The following TEX36 variants were observed in gnomAD, a reference collection of about 807,000 sequenced individuals.
TEX36 encodes the protein testis expressed 36, also known as testis-expressed protein 36.
In TEX36, 12 loss-of-function variants were observed where a neutral mutation model predicts 13.6. That is an observed-to-expected ratio of 0.88 (90% CI 0.56 to 1.43). The LOEUF is 1.43. TEX36 is among the 40% of genes most tolerant of loss of function. TEX36 has a pLI of 0.00. For missense variants in TEX36, 224 were observed against 228.3 expected (o/e 0.98, Z 0.12); for synonymous variants, 93 against 83.0 (o/e 1.12, Z -0.65).
intron 1 of TEX36, chr10:125,667,602 C>A: frequency 1.4e-6 from 1 of 729,376 alleles, no homozygotes. Flanking sequence ...TTTGTCCCTG[C>A]AAGGGAGACC....
downstream of TEX36, among the ~76,000 whole-genome samples, chr10:125,654,883 T>G (rs1846915095): frequency 6.6e-6 from 1 of 152,206 alleles, no homozygotes; most frequent in Non-Finnish European, 1.5e-5. Context: ...TGTGCATTAC[T>G]GTCAACCAAG....
intron 3 of TEX36, among the ~76,000 whole-genome samples, chr10:125,595,166 T>C (rs1159335612): frequency 6.6e-6 from 1 of 152,170 alleles, no homozygotes; most frequent in Non-Finnish European, 1.5e-5. Context: ...AGAATGGATC[T>C]CTTAAATAAA....
At chr10:125,638,592 C>CA (rs966833045) in intron 3 of TEX36, among the ~76,000 whole-genome samples, 5 of 151,866 alleles carry the variant, frequency 3.3e-5, no homozygotes, top group South Asian at 2.1e-4. Context: ...AACAAACAAA[C>CA]AAAAAAAAAT....
Position 125,683,158 on chromosome 10 carries a change from G to A in TEX36, c.-169C>T, listed in dbSNP as rs1847424129. 1.3e-6 allele frequency: 1 copy of A among 749,530 alleles called. No individual in the cohort carries two copies. The highest frequency in any genetic ancestry group is 1.7e-5 in the South Asian group (1 of 59,252). The allele number at this position is 749,530 out of a possible 1,614,324, so 46.4% of individuals were successfully genotyped here. On this transcript the variant is annotated 5_prime_UTR_variant, in exon 1 of 4. Coordinates refer to ENST00000368821, the MANE Select transcript of TEX36 (RefSeq NM_001128202.3). ...TCAGCCTCTTCCAGGAGGGGAAGGT[G>A]CGGGTGCCCATTGTTGTCATGGAAT...
chr10:125,676,883 A>G (rs906385719), intron 1 of TEX36, among the ~76,000 whole-genome samples: 3 of 152,170 alleles, frequency 2.0e-5, no homozygotes, highest in African/African-American at 7.2e-5. Context: ...CAAAAGGTCA[A>G]TCTAATGGTA....
chr10:125,635,227 G>T (rs1258946198), intron 3 of TEX36, among the ~76,000 whole-genome samples: 1 of 152,172 alleles, frequency 6.6e-6, no homozygotes, highest in Non-Finnish European at 1.5e-5. Flanking sequence ...TCCAGAAAGG[G>T]ATCCTGCATG....
At chr10:125,632,042 A>G (rs1288885008) in intron 3 of TEX36, among the ~76,000 whole-genome samples, 1 of 152,050 alleles carries the variant, frequency 6.6e-6, no homozygotes, top group African/African-American at 2.4e-5. Flanking sequence ...GATCTGGGGC[A>G]GTGTGTGTGG....
chr10:125,666,938 G>T, intron 1 of TEX36: 1 of 666,684 alleles, frequency 1.5e-6, no homozygotes, highest in South Asian at 1.8e-5. Flanking sequence ...CACTGCTTGG[G>T]GTGTACTTTC....
intron 1 of TEX36, among the ~76,000 whole-genome samples, chr10:125,668,566 C>T (rs949386445): frequency 7.8e-4 from 118 of 150,402 alleles, no homozygotes; most frequent in Middle Eastern, 3.2e-3. Flanking sequence ...CTTGTAATGT[C>T]TCCTCTTTCA....
intron 2 of TEX36, among the ~76,000 whole-genome samples, chr10:125,661,512 T>C (rs1847042378): frequency 6.6e-6 from 1 of 152,058 alleles, no homozygotes; most frequent in African/African-American, 2.4e-5. Context: ...AGGTATGAAA[T>C]GGACCCTGGC....
chr10:125,647,597 T>A (rs904630088), intron 3 of TEX36, among the ~76,000 whole-genome samples: 6 of 152,154 alleles, frequency 3.9e-5, no homozygotes, highest in African/African-American at 7.2e-5. Flanking sequence ...CAGCTCCCAA[T>A]GTGAGTGACA....
downstream of TEX36, among the ~76,000 whole-genome samples, chr10:125,619,695 T>A (rs912284411): frequency 6.6e-6 from 1 of 152,036 alleles, no homozygotes; most frequent in Non-Finnish European, 1.5e-5. Flanking sequence ...TATCTGGGAT[T>A]ACAGGCGCAC....
At chr10:125,668,965 C>T (rs1847172569) in intron 1 of TEX36, among the ~76,000 whole-genome samples, 1 of 152,028 alleles carries the variant, frequency 6.6e-6, no homozygotes, top group Non-Finnish European at 1.5e-5. Flanking sequence ...TCAAGACCAA[C>T]CTGGCCAACA....
At chr10:125,611,875 G>C (rs933134207) in intron 3 of TEX36, among the ~76,000 whole-genome samples, 1 of 151,756 alleles carries the variant, frequency 6.6e-6, no homozygotes, top group African/African-American at 2.4e-5. Context: ...TCAGGTCTCT[G>C]CTTGTGTTTT....
chr10:125,613,572 T>C (rs1846318674), intron 3 of TEX36, among the ~76,000 whole-genome samples: 1 of 151,558 alleles, frequency 6.6e-6, no homozygotes, highest in African/African-American at 2.4e-5. Context: ...AGAATGATGA[T>C]TTCCAATTTC....
In TEX36 at chr10:125,657,611, T is replaced by C. The variant is rs1846969467; in HGVS notation, c.265-1415A>G. Among the ~76,000 whole-genome samples the C allele has an allele frequency of 3.9e-5, 6 of 152,194 alleles. 1 individual carries two copies. The South Asian group carries it at 1.2e-3, about 31-fold the overall frequency. On this transcript the variant is annotated intron_variant, in intron 3 of 3. Coordinates refer to ENST00000368821, the MANE Select transcript of TEX36 (RefSeq NM_001128202.3). ...CTAATAATGTGACTATGAAATGTACTGAATTGTACAAATTCACAAAATGGA... is the reference window on the plus strand; with the variant it reads ...CTAATAATGTGACTATGAAATGTACCGAATTGTACAAATTCACAAAATGGA...
At chr10:125,662,076 G>T in intron 1 of TEX36, 99 bp from the exon 2 acceptor site, 2 of 1,455,406 alleles carry the variant, frequency 1.4e-6, no homozygotes, top group Non-Finnish European at 1.8e-6. Flanking sequence ...ATGCAATTTG[G>T]GTGCTTTTGG....
intron 1 of TEX36, among the ~76,000 whole-genome samples, chr10:125,665,288 C>G (rs1267926661): frequency 6.6e-6 from 1 of 151,974 alleles, no homozygotes; most frequent in Non-Finnish European, 1.5e-5. Context: ...GTTGTTTATG[C>G]TTTGGAGATC....
intron 3 of TEX36, chr10:125,577,012 C>T (rs1845832916): frequency 3.4e-6 from 4 of 1,165,382 alleles, no homozygotes; most frequent in Middle Eastern, 2.8e-4. Context: ...TTTAGTGAGA[C>T]TTAGCCTGAG....
Sources: gnomAD v4.1 joint callset for allele counts (sites outside exome capture counted in the v4.1 genomes callset) on GRCh38, gnomAD v4.1.1 for gene constraint, MANE v1.5 for transcripts, NCBI Gene and HGNC (gene_info 2026-07-23, HGNC 2026-07-21) for gene names.